Variants in ACSM2A observed in about 807,000 individuals in gnomAD.
ACSM2A encodes the protein acyl-coenzyme A synthetase ACSM2A, mitochondrial.
In ACSM2A, 72 loss-of-function variants were observed where a neutral mutation model predicts 76.6. The ratio of observed to expected loss-of-function variants is 0.94; its 90% CI spans 0.78 to 1.14. ACSM2A has a LOEUF of 1.14. Ranked by LOEUF, ACSM2A falls within the 50% of genes most tolerant of loss-of-function variation. The pLI is 0.00. For missense variants in ACSM2A, 684 were observed against 708.5 expected (o/e 0.97, Z 0.39); for synonymous variants, 249 against 255.9 (o/e 0.97, Z 0.26).
intron 1 of ACSM2A, among the ~76,000 whole-genome samples, chr16:20,452,860 A>T (rs1013799703): frequency 2.6e-5 from 4 of 151,926 alleles, no homozygotes; most frequent in Non-Finnish European, 5.9e-5. Context: ...AATGCATTTG[A>T]CACTCCTGAT....
intron 13 of ACSM2A, among the ~76,000 whole-genome samples, chr16:20,485,886 A>G (rs990631024): frequency 2.6e-5 from 4 of 152,254 alleles, no homozygotes; most frequent in Non-Finnish European, 5.9e-5. Context: ...AGCCTCAATG[A>G]GGCATCTTCA....
At chr16:20,477,556 T>G in intron 9 of ACSM2A, 107 bp downstream of exon 9, 14 of 1,454,590 alleles carry the variant, frequency 9.6e-6, no homozygotes, top group Non-Finnish European at 1.3e-5. Flanking sequence ...AGTACTGATA[T>G]TAAGATAACA....
chr16:20,482,323 G>A (rs1234071743), intron 12 of ACSM2A: 5 of 152,076 alleles, frequency 3.3e-5, no homozygotes, highest in African/African-American at 7.2e-5. Context: ...AGGGATTTGA[G>A]CCAAAGGACA....
At chr16:20,454,671 C>T (rs2012014144) in intron 1 of ACSM2A, among the ~76,000 whole-genome samples, 1 of 151,798 alleles carries the variant, frequency 6.6e-6, no homozygotes, top group African/African-American at 2.4e-5. Flanking sequence ...AGCCTTGAGC[C>T]CCAGATCTTC....
intron 8 of ACSM2A, chr16:20,476,305 T>C (rs547168098): frequency 1.0e-6 from 1 of 979,102 alleles, no homozygotes; most frequent in Admixed American, 6.0e-5. Flanking sequence ...TTCTATACTA[T>C]TTTACTTATC....
chr16:20,485,614 TAAAA>T (rs1000169865), intron 13 of ACSM2A, among the ~76,000 whole-genome samples: 1 of 152,206 alleles, frequency 6.6e-6, no homozygotes, highest in African/African-American at 2.4e-5. Flanking sequence ...ACTTTATTGA[TAAAA>T]ACAGGAAGTG....
intron 1 of ACSM2A, among the ~76,000 whole-genome samples, chr16:20,458,334 T>C (rs1277003293): frequency 1.4e-5 from 2 of 147,594 alleles, no homozygotes; most frequent in African/African-American, 4.9e-5. Context: ...TATCTATATA[T>C]ACTATATATT....
At chr16:20,454,702 A>G (rs1297237836) in intron 1 of ACSM2A, among the ~76,000 whole-genome samples, 1 of 151,932 alleles carries the variant, frequency 6.6e-6, no homozygotes, top group Non-Finnish European at 1.5e-5. Flanking sequence ...AGCCTACCCA[A>G]ATGAGAAGGA....
At chr16:20,473,661 T>A (rs1157308663) in intron 6 of ACSM2A, among the ~76,000 whole-genome samples, 2 of 151,974 alleles carry the variant, frequency 1.3e-5, no homozygotes, top group African/African-American at 4.8e-5. Context: ...AAAAATAAAA[T>A]CCTAAGGCCC....
chr16:20,456,415 C>T (rs1433668229), intron 1 of ACSM2A, among the ~76,000 whole-genome samples: 31 of 145,312 alleles, frequency 2.1e-4, no homozygotes, highest in African/African-American at 7.0e-4. Context: ...AAACAAGTCT[C>T]AATAAATCTG....
chr16:20,456,865 T>C (rs1596638612), intron 1 of ACSM2A, among the ~76,000 whole-genome samples: 1 of 150,728 alleles, frequency 6.6e-6, no homozygotes, highest in African/African-American at 2.4e-5. Flanking sequence ...AAAATCTGGT[T>C]CTTTGAAAAG....
At chr16:20,482,385 C>A (rs1007494822) in intron 12 of ACSM2A, 7 of 151,962 alleles carry the variant, frequency 4.6e-5, no homozygotes, top group African/African-American at 1.7e-4. Flanking sequence ...AAAGAAAGAC[C>A]CCTATAAAGC....
intron 8 of ACSM2A, chr16:20,476,411 A>G: frequency 1.0e-6 from 1 of 985,206 alleles, no homozygotes; most frequent in Non-Finnish European, 1.2e-6. Flanking sequence ...CTTCCTCTCC[A>G]CTCTCTTACC....
At chr16:20,478,727 C>G (rs368860656) in intron 10 of ACSM2A, 50 bp downstream of exon 10, 4 of 1,573,038 alleles carry the variant, frequency 2.5e-6, no homozygotes, top group Non-Finnish European at 3.5e-6. Context: ...GATGGGAGCA[C>G]TAAACGGGAT....
chr16:20,458,461 A>G (rs887086301), intron 1 of ACSM2A, among the ~76,000 whole-genome samples: 14 of 145,930 alleles, frequency 9.6e-5, no homozygotes, highest in South Asian at 2.1e-4. Flanking sequence ...ATAATATAAT[A>G]TATGGATATA....
intron 9 of ACSM2A, 40 bp from the exon 10 acceptor site, chr16:20,478,535 CT>C: frequency 1.2e-6 from 2 of 1,600,186 alleles, no homozygotes; most frequent in Non-Finnish European, 1.7e-6. Flanking sequence ...AAGCCATCTC[CT>C]GCTGTGTGCA....
intron 6 of ACSM2A, among the ~76,000 whole-genome samples, chr16:20,472,148 A>G (rs1375062930): frequency 6.6e-6 from 1 of 152,172 alleles, no homozygotes; most frequent in Non-Finnish European, 1.5e-5. Flanking sequence ...CCACCATCCT[A>G]TGTGTACAGT....
intron 1 of ACSM2A, among the ~76,000 whole-genome samples, chr16:20,458,568 T>A (rs1451203879): frequency 6.9e-6 from 1 of 144,758 alleles, no homozygotes; most frequent in African/African-American, 2.5e-5. Flanking sequence ...TTATATATAA[T>A]ATATCCATAT....
intron 4 of ACSM2A, chr16:20,470,707 G>A (rs766804905): frequency 2.6e-4 from 117 of 444,648 alleles, no homozygotes; most frequent in Admixed American, 5.3e-4. Context: ...TCATGCCAGA[G>A]CTCTTCACAA....
Sources: allele counts gnomAD v4.1 joint callset (sites outside exome capture counted in the v4.1 genomes callset), GRCh38; gene constraint gnomAD v4.1.1; transcripts MANE v1.5; gene names NCBI Gene and HGNC (gene_info 2026-07-23, HGNC 2026-07-21).